AP2S1: variants seen among roughly 807,000 people sequenced by gnomAD.
AP2S1 encodes adaptor related protein complex 2 subunit sigma 1.
In AP2S1, 6 loss-of-function variants were observed where a neutral mutation model predicts 21.0. The ratio of observed to expected loss-of-function variants is 0.29; its 90% CI spans 0.16 to 0.56. The LOEUF is 0.56. Ranked by LOEUF, AP2S1 falls within the 20% of genes least tolerant of loss-of-function variation. The pLI is 0.92. For synonymous variants in AP2S1, 63 were observed against 74.6 expected (o/e 0.84, Z 0.80); for missense variants, 60 against 186.2 (o/e 0.32, Z 3.95).
intron 2 of AP2S1, among the ~76,000 whole-genome samples, chr19:46,841,778 T>C (rs954291898): frequency 6.6e-6 from 1 of 152,214 alleles, no homozygotes; most frequent in Non-Finnish European, 1.5e-5. Context: ...AGTCTCAACT[T>C]GTGACGAAGT....
chr19:46,847,707 C>G (rs181253047), intron 1 of AP2S1, among the ~76,000 whole-genome samples: 1 of 152,120 alleles, frequency 6.6e-6, no homozygotes, highest in Non-Finnish European at 1.5e-5. Flanking sequence ...CTGTGGCTTT[C>G]GTGTCTGGCT....
At chr19:46,847,582 C>A (rs991254370) in intron 1 of AP2S1, among the ~76,000 whole-genome samples, 1 of 152,070 alleles carries the variant, frequency 6.6e-6, no homozygotes, top group Non-Finnish European at 1.5e-5. Context: ...CCAAAAAACT[C>A]CCCACCCATT....
intron 2 of AP2S1, chr19:46,845,652 AC>A (rs201141693): frequency 3.4e-5 from 6 of 176,424 alleles, no homozygotes; most frequent in South Asian, 1.5e-4. Flanking sequence ...AAAAAATTTG[AC>A]CAAAAAAAAA....
At chr19:46,850,014 C>T in intron 1 of AP2S1, 2 of 884,436 alleles carry the variant, frequency 2.3e-6, no homozygotes, top group Non-Finnish European at 3.0e-6. Flanking sequence ...TGAGTCTTTG[C>T]CCCAACAAAG....
intron 2 of AP2S1, chr19:46,845,768 C>T: frequency 3.9e-6 from 2 of 516,366 alleles, no homozygotes; most frequent in Non-Finnish European, 3.4e-6. Flanking sequence ...TACGAATCTC[C>T]AATCTACTTT....
rs1449016047 is a variant in AP2S1 at position 46,850,808 on chromosome 19, G to T, written c.-42C>A. The T allele has an allele frequency of 1.9e-6, 3 of 1,543,076 alleles. No individual in the cohort carries two copies. The highest frequency in any genetic ancestry group is 2.5e-5 in the East Asian group (1 of 39,804). ...ACCCCAGCGGCCCCGGTCCCGCGGC[G>T]ACTGGGCAGCTCCGGCTCAGGGTGC... On this transcript the variant is annotated 5_prime_UTR_variant, in exon 1 of 5. Coordinates refer to ENST00000263270, the MANE Select transcript of AP2S1 (RefSeq NM_004069.6).
Position 46,850,254 on chromosome 19 carries a change from A to T in AP2S1, c.3+510T>A, listed in dbSNP as rs374645407. 5 of 1,233,064 alleles carry T rather than the reference A, an allele frequency of 4.1e-6. No individual in the cohort carries two copies. In the African/African-American group the frequency reaches 6.2e-5, roughly 15 times the overall value. The allele number at this position is 1,233,064 out of a possible 1,614,324, so 76.4% of individuals were successfully genotyped here. A position where few individuals can be genotyped will look rare whatever the true frequency, so the allele number is the denominator to read the frequency against. On this transcript the variant is annotated intron_variant, in intron 1 of 4. Transcript: ENST00000263270. The stretch of plus-strand genomic sequence containing the variant: ...TTGAGATCATCCCTCTCTCACAGGC[A>T]GTCTCCTGCCCCTGTCTCAACATCC...
chr19:46,849,069 A>C (rs1211319845), intron 1 of AP2S1, among the ~76,000 whole-genome samples: 5 of 134,900 alleles, frequency 3.7e-5, no homozygotes, highest in Non-Finnish European at 7.8e-5. Flanking sequence ...CCAGTGGCAC[A>C]ATCTCGGCTC....
At chr19:46,848,234 TG>T (rs1176689477) in intron 1 of AP2S1, among the ~76,000 whole-genome samples, 1 of 151,614 alleles carries the variant, frequency 6.6e-6, no homozygotes, top group Non-Finnish European at 1.5e-5. Context: ...CCAGGTGTGA[TG>T]GGGGGCAGGG....
chr19:46,850,535 G>A lies in AP2S1; in HGVS notation c.3+229C>T, dbSNP rs138146509. On this transcript the variant is annotated intron_variant, in intron 1 of 4. Transcript: ENST00000263270. Reference sequence around the variant, plus strand: ...CCACCTGCACAGCCCTTTCCCCTTGGAACACCACCCCCAATGCCCGTCGCC... The same window carrying A: ...CCACCTGCACAGCCCTTTCCCCTTGAAACACCACCCCCAATGCCCGTCGCC... The A allele has an allele frequency of 1.3e-3, 802 of 617,520 alleles. 6 individuals are homozygous for A. The African/African-American group carries it at 0.015, about 11-fold the overall frequency. 38.3% of individuals were successfully genotyped at this position (617,520 alleles called of 1,614,324 possible).
intron 2 of AP2S1, among the ~76,000 whole-genome samples, chr19:46,843,548 C>G (rs1285565630): frequency 1.3e-5 from 2 of 152,040 alleles, no homozygotes; most frequent in Non-Finnish European, 2.9e-5. Context: ...ATGGCGAAAC[C>G]CTGTCTCTAC....
rs778066242 is a variant in AP2S1 at position 46,839,597 on chromosome 19, G to A, written c.154-19C>T. 5 of 1,614,172 alleles carry A rather than the reference G, an allele frequency of 3.1e-6. No individual in the cohort carries two copies. In the South Asian group the frequency reaches 3.3e-5, roughly 11 times the overall value. The stretch of plus-strand genomic sequence containing the variant: ...TCCGGAACTGCAGAACAGAGAGGCT[G>A]TCAGCAACGGAGATTGCCAGGACCT... On this transcript the variant is annotated intron_variant, in intron 2 of 4. Coordinates refer to ENST00000263270, the MANE Select transcript of AP2S1 (RefSeq NM_004069.6).
chr19:46,850,826 C>A lies in AP2S1; in HGVS notation c.-60G>T. ...CCGCGGCGACTGGGCAGCTCCGGCT[C>A]AGGGTGCAGTTGTAGGGCCCAGAGC... On this transcript the variant is annotated 5_prime_UTR_variant, in exon 1 of 5. Coordinates refer to ENST00000263270, the MANE Select transcript of AP2S1 (RefSeq NM_004069.6). 1 of 1,515,268 alleles carries A rather than the reference C, an allele frequency of 6.6e-7. No homozygotes were observed. The highest frequency in any genetic ancestry group is 8.9e-7 in the Non-Finnish European group (1 of 1,126,552). 93.9% of individuals were successfully genotyped at this position (1,515,268 alleles called of 1,614,324 possible). A position where few individuals can be genotyped will look rare whatever the true frequency, so the allele number is the denominator to read the frequency against.
intron 3 of AP2S1, 49 bp downstream of exon 3, chr19:46,839,416 C>A (rs1397156195): frequency 2.5e-6 from 4 of 1,587,328 alleles, no homozygotes; most frequent in Admixed American, 1.7e-5. Flanking sequence ...GGGGGCCACT[C>A]CAGGGCTGCC....
At chr19:46,840,204 G>A (rs368173590) in intron 2 of AP2S1, among the ~76,000 whole-genome samples, 1 of 151,740 alleles carries the variant, frequency 6.6e-6, no homozygotes, top group African/African-American at 2.4e-5. Context: ...GACACACACC[G>A]TGAACAAACA....
In AP2S1 at chr19:46,848,381, A is replaced by AAAAAAC. The variant is rs1321401392; in HGVS notation, c.4-2245_4-2240dup. ...GGTGACAGAGCGAGACGCTGTCTCA[A>AAAAAAC]AAAAACAAAAACAAAAACATAGAGG... is the stretch of plus-strand genomic sequence containing the variant. On this transcript the variant is annotated intron_variant, in intron 1 of 4. Coordinates refer to ENST00000263270, the MANE Select transcript of AP2S1 (RefSeq NM_004069.6). Among the ~76,000 whole-genome samples, 7 of 152,318 alleles carry AAAAAAC rather than the reference A, an allele frequency of 4.6e-5. No individual in the cohort carries two copies. The East Asian group carries it at 7.7e-4, about 17-fold the overall frequency.
Position 46,842,791 on chromosome 19 carries a change from T to C in AP2S1, c.153+3202A>G, listed in dbSNP as rs944698251. ...CCTCCTGGAGAGGTAAGTCCAACCCTGTCCCCCTCCTGGCTGCTGGGACAC... is the reference window on the plus strand; with the variant it reads ...CCTCCTGGAGAGGTAAGTCCAACCCCGTCCCCCTCCTGGCTGCTGGGACAC... On this transcript the variant is annotated intron_variant, in intron 2 of 4. Transcript: ENST00000263270. Among the ~76,000 whole-genome samples, 7 of 152,110 alleles carry C rather than the reference T, an allele frequency of 4.6e-5. No individual in the cohort carries two copies. In the South Asian group the frequency reaches 8.3e-4, roughly 18 times the overall value.
chr19:46,849,265 C>G (rs574341875), intron 1 of AP2S1, among the ~76,000 whole-genome samples: 1 of 152,234 alleles, frequency 6.6e-6, no homozygotes, highest in East Asian at 1.9e-4. Context: ...CTCAGCCTCC[C>G]AAAGTGCTGG....
In AP2S1 at chr19:46,845,884, AG is replaced by A. The variant is rs532286199; in HGVS notation, c.153+108del. ...TCAAAGCAGGTTGAGTGAATGATAT[AG>A]GATGGATAGAGGGTCCAAGGGGTTC... On this transcript the variant is annotated intron_variant, in intron 2 of 4. Coordinates refer to ENST00000263270, the MANE Select transcript of AP2S1 (RefSeq NM_004069.6). The A allele has an allele frequency of 2.2e-5, 32 of 1,428,984 alleles. 1 individual carries two copies. Among genetic ancestry groups the A allele is most frequent in the Non-Finnish European group, 3.1e-5 (32 of 1,039,690 alleles). The allele number at this position is 1,428,984 out of a possible 1,614,324, so 88.5% of individuals were successfully genotyped here.
Sources: gnomAD v4.1 joint callset for allele counts (sites outside exome capture counted in the v4.1 genomes callset) on GRCh38, gnomAD v4.1.1 for gene constraint, MANE v1.5 for transcripts, NCBI Gene and HGNC (gene_info 2026-07-23, HGNC 2026-07-21) for gene names.